FAM117B: variants seen among roughly 807,000 people sequenced by gnomAD.
FAM117B encodes the protein family with sequence similarity 117 member B.
In FAM117B, 22 loss-of-function variants were observed where a neutral mutation model predicts 52.8. The ratio of observed to expected loss-of-function variants is 0.42; its 90% CI spans 0.30 to 0.59. The LOEUF is 0.59. Ranked by LOEUF, FAM117B falls within the 20% of genes least tolerant of loss-of-function variation. The pLI is 0.22. For synonymous variants in FAM117B, 309 were observed against 324.1 expected, an observed-to-expected ratio of 0.95 and a Z score of 0.50; for missense variants, 678 against 802.6, an observed-to-expected ratio of 0.84 and a Z score of 1.88.
chr2:202,635,758 A>T lies in FAM117B; in HGVS notation c.571A>T (p.Arg191Trp). 1 of 1,456,400 alleles carries T rather than the reference A, an allele frequency of 6.9e-7. No individual in the cohort carries two copies. Among genetic ancestry groups the T allele is most frequent in the Non-Finnish European group, 9.0e-7 (1 of 1,106,944 alleles). The allele number at this position is 1,456,400 out of a possible 1,614,324, so 90.2% of individuals were successfully genotyped here. ...GCAGAGCCGAAGCTCGCCGGAGAAG[A>T]GGAGCCCCAGCGCCCCGGTTTGCAA... ...PEQSRSSPEK[R>W]SPSAPVCKAG... Residue 191 changes from arginine to tryptophan, a missense_variant, in exon 1 of 8, where the codon AGG (arginine) becomes TGG (tryptophan). Transcript: ENST00000392238.
intron 4 of FAM117B, among the ~76,000 whole-genome samples, chr2:202,744,673 C>T (rs1470137260): frequency 6.6e-6 from 1 of 151,960 alleles, no homozygotes; most frequent in African/African-American, 2.4e-5. Context: ...TAATATCCTT[C>T]AAAAATAAAG....
At chr2:202,730,702 A>G (rs1024224384) in intron 4 of FAM117B, among the ~76,000 whole-genome samples, 1 of 152,194 alleles carries the variant, frequency 6.6e-6, no homozygotes, top group Admixed American at 6.5e-5. Context: ...AAAATGAAAT[A>G]GGATTTTAGA....
In FAM117B at chr2:202,714,312, A is replaced by G. The variant is rs114592479; in HGVS notation, c.754-10605A>G. On this transcript the variant is annotated intron_variant, in intron 2 of 7. Coordinates refer to ENST00000392238, the MANE Select transcript of FAM117B (RefSeq NM_173511.4). ...TGGTTGAAATGTTCTGCAAATATCT[A>G]TTAGGTCCATTTGATTTATAGTATA... 4.0e-3 allele frequency among the ~76,000 whole-genome samples: 608 copies of G among 152,196 alleles called. 6 individuals carry two copies. Among genetic ancestry groups the G allele is most frequent in the African/African-American group, 0.014 (566 of 41,538 alleles).
At chr2:202,689,536 GA>G (rs1317469347) in intron 1 of FAM117B, among the ~76,000 whole-genome samples, 1 of 152,120 alleles carries the variant, frequency 6.6e-6, no homozygotes, top group African/African-American at 2.4e-5. Context: ...TTGTATACTT[GA>G]AAAAATTTCT....
At chr2:202,690,344 T>C (rs1366561856) in intron 1 of FAM117B, among the ~76,000 whole-genome samples, 1 of 152,218 alleles carries the variant, frequency 6.6e-6, no homozygotes, top group Admixed American at 6.5e-5. Context: ...TCTCAAGTCT[T>C]CTTCATTTAG....
chr2:202,734,997 A>AT (rs1176548287), intron 4 of FAM117B, among the ~76,000 whole-genome samples: 1 of 151,814 alleles, frequency 6.6e-6, no homozygotes, highest in East Asian at 1.9e-4. Context: ...TATTGCTGAC[A>AT]TTTTTTTTCT....
At chr2:202,720,426 T>C (rs1024881435) in intron 2 of FAM117B, among the ~76,000 whole-genome samples, 14 of 150,348 alleles carry the variant, frequency 9.3e-5, no homozygotes, top group Admixed American at 3.3e-4. Context: ...TGTGTGTGTG[T>C]GCGCTGCAAT....
chr2:202,759,040 T>A (rs1691843074), intron 6 of FAM117B, among the ~76,000 whole-genome samples, 193 bp from the exon 7 acceptor site: 3 of 152,254 alleles, frequency 2.0e-5, no homozygotes, highest in Admixed American at 2.0e-4. Flanking sequence ...AGGCCTAGGC[T>A]ATGGTAATTG....
chr2:202,709,273 A>T (rs147374418), intron 2 of FAM117B, among the ~76,000 whole-genome samples: 1 of 151,094 alleles, frequency 6.6e-6, no homozygotes, highest in Admixed American at 6.6e-5. Context: ...AGTGATCTCA[A>T]TTCACTGCAA....
intron 1 of FAM117B, among the ~76,000 whole-genome samples, chr2:202,636,208 T>C (rs1439833502): frequency 6.6e-6 from 1 of 152,350 alleles, no homozygotes; most frequent in Non-Finnish European, 1.5e-5. Context: ...AGCCCATATC[T>C]GCTGCTGCTA....
intron 1 of FAM117B, among the ~76,000 whole-genome samples, chr2:202,640,557 A>C (rs912537875): frequency 2.6e-5 from 4 of 151,610 alleles, no homozygotes; most frequent in Admixed American, 2.0e-4. Flanking sequence ...TATGTCTCTA[A>C]GAATTTAGTG....
At chr2:202,683,788 C>T (rs965901567) in intron 1 of FAM117B, among the ~76,000 whole-genome samples, 1 of 152,104 alleles carries the variant, frequency 6.6e-6, no homozygotes, top group Non-Finnish European at 1.5e-5. Context: ...AGAGATAATA[C>T]CGTAACTAAT....
At chr2:202,644,596 G>A (rs1689832701) in intron 1 of FAM117B, among the ~76,000 whole-genome samples, 1 of 152,180 alleles carries the variant, frequency 6.6e-6, no homozygotes, top group Non-Finnish European at 1.5e-5. Context: ...TTTTGCTGGA[G>A]TGCATTTTCC....
At chr2:202,716,257 C>G (rs1338718603) in intron 2 of FAM117B, among the ~76,000 whole-genome samples, 2 of 150,038 alleles carry the variant, frequency 1.3e-5, no homozygotes, top group East Asian at 3.9e-4. Flanking sequence ...CTTTTTTTTT[C>G]AGCGTATATA....
chr2:202,678,088 TATC>T (rs1446475149), intron 1 of FAM117B, among the ~76,000 whole-genome samples: 5 of 152,208 alleles, frequency 3.3e-5, no homozygotes, highest in South Asian at 2.1e-4. Flanking sequence ...TCATAATCAT[TATC>T]ATATCATGTA....
chr2:202,750,384 G>A (rs1691704207), intron 4 of FAM117B, among the ~76,000 whole-genome samples: 1 of 152,088 alleles, frequency 6.6e-6, no homozygotes, highest in African/African-American at 2.4e-5. Flanking sequence ...ATGGTGGCAT[G>A]TGCCTGTAAT....
chr2:202,729,717 C>T (rs1307575032), intron 4 of FAM117B, among the ~76,000 whole-genome samples: 1 of 152,014 alleles, frequency 6.6e-6, no homozygotes, highest in Non-Finnish European at 1.5e-5. Flanking sequence ...TGGTGTCTAG[C>T]TGATCCTTGA....
chr2:202,724,875 A>T (rs1400717894), intron 2 of FAM117B, 42 bp from the exon 3 acceptor site: 3 of 1,432,640 alleles, frequency 2.1e-6, no homozygotes, highest in Non-Finnish European at 2.9e-6. Flanking sequence ...TTGTTGTGAA[A>T]TGATTTTTGT....
intron 1 of FAM117B, among the ~76,000 whole-genome samples, chr2:202,688,453 TTAAAA>T (rs1310841687): frequency 1.3e-5 from 2 of 152,004 alleles, no homozygotes; most frequent in Admixed American, 6.6e-5. Flanking sequence ...TACATACTCT[TTAAAA>T]TAAAATCAAC....
Sources: allele counts gnomAD v4.1 joint callset (sites outside exome capture counted in the v4.1 genomes callset), GRCh38; gene constraint gnomAD v4.1.1; transcripts MANE v1.5; gene names NCBI Gene and HGNC (gene_info 2026-07-23, HGNC 2026-07-21).